The following CCDC7 variants were observed in gnomAD, a reference collection of about 807,000 sequenced individuals.
CCDC7 encodes coiled-coil domain containing 7, also known as coiled-coil domain-containing protein 7.
CCDC7 carries 183 observed loss-of-function variants against 196.9 expected under a neutral mutation model. The ratio of observed to expected loss-of-function variants is 0.93; its 90% CI spans 0.82 to 1.05. CCDC7 has a LOEUF of 1.05. CCDC7 is among the 50% of genes least tolerant of loss of function. The pLI is 0.00. For missense variants in CCDC7, 1,540 were observed against 1,482.2 expected, an observed-to-expected ratio of 1.04 and a Z score of -0.64; for synonymous variants, 525 against 484.6, an observed-to-expected ratio of 1.08 and a Z score of -1.10.
intron 18 of CCDC7, among the ~76,000 whole-genome samples, chr10:32,621,589 T>A (rs2063419632): frequency 6.6e-6 from 1 of 152,130 alleles, no homozygotes; most frequent in Non-Finnish European, 1.5e-5. Flanking sequence ...CATAGTGTAA[T>A]TCAGTCTGAA....
At chr10:32,844,688 G>A (rs2093177154) in intron 33 of CCDC7, among the ~76,000 whole-genome samples, 1 of 151,826 alleles carries the variant, frequency 6.6e-6, no homozygotes, top group Admixed American at 6.6e-5. Flanking sequence ...ATTATAAAGT[G>A]TCAGTTTGTA....
chr10:32,687,000 T>C (rs1370673752), intron 22 of CCDC7, among the ~76,000 whole-genome samples: 1 of 152,232 alleles, frequency 6.6e-6, no homozygotes, highest in African/African-American at 2.4e-5. Flanking sequence ...CCTGATCATC[T>C]GTGTGGACAG....
chr10:32,806,765 A>G (rs922963894), intron 30 of CCDC7, among the ~76,000 whole-genome samples: 1 of 152,202 alleles, frequency 6.6e-6, no homozygotes, highest in African/African-American at 2.4e-5. Context: ...AAATGAGTCT[A>G]CACATCCAAG....
intron 25 of CCDC7, among the ~76,000 whole-genome samples, chr10:32,715,254 A>T (rs913255869): frequency 8.5e-5 from 13 of 152,192 alleles, no homozygotes; most frequent in African/African-American, 2.9e-4. Flanking sequence ...ACCCAGGCAA[A>T]CAGGGTATGG....
chr10:32,860,763 A>G (rs1201640145), intron 41 of CCDC7, among the ~76,000 whole-genome samples: 1 of 152,148 alleles, frequency 6.6e-6, no homozygotes, highest in Non-Finnish European at 1.5e-5. Context: ...ATTCCTATAC[A>G]CCAATAACAA....
intron 2 of CCDC7, 117 bp downstream of exon 3, chr10:32,453,553 A>G (rs532667824): frequency 4.5e-6 from 3 of 659,996 alleles, no homozygotes; most frequent in Non-Finnish European, 4.2e-6. Flanking sequence ...CTCAGAATGA[A>G]TTTCCCATCC....
Position 32,515,788 on chromosome 10 carries a change from C to A in CCDC7, c.873-2157C>A, listed in dbSNP as rs193088805. On this transcript the variant is annotated intron_variant, in intron 9 of 41. Coordinates refer to ENST00000639629, the Ensembl canonical transcript of CCDC7. ...ATCTCCTGACCTCGTGATCCGCCCA[C>A]CTCGCCTCCCAAAGTGCTGGGATTA... 1.8e-4 allele frequency among the ~76,000 whole-genome samples: 28 copies of A among 152,154 alleles called. No individual in the cohort carries two copies. In the East Asian group the frequency reaches 4.1e-3, roughly 22 times the overall value.
intron 33 of CCDC7, among the ~76,000 whole-genome samples, chr10:32,839,373 A>C (rs1333697859): frequency 6.6e-6 from 1 of 151,868 alleles, no homozygotes; most frequent in Non-Finnish European, 1.5e-5. Context: ...TACATTAGAC[A>C]AAACAAACCT....
chr10:32,842,189 A>G (rs1422933360), intron 33 of CCDC7, among the ~76,000 whole-genome samples: 1 of 152,016 alleles, frequency 6.6e-6, no homozygotes, highest in East Asian at 1.9e-4. Flanking sequence ...GAAAATCTTC[A>G]CAATCTATAT....
At chr10:32,637,662 G>A (rs1011972556) in intron 20 of CCDC7, among the ~76,000 whole-genome samples, 15 of 152,152 alleles carry the variant, frequency 9.9e-5, no homozygotes, top group African/African-American at 2.4e-4. Context: ...GTCAGGTAGC[G>A]TGGTACCTCC....
At chr10:32,576,766 G>T (rs574630542) in intron 16 of CCDC7, among the ~76,000 whole-genome samples, 6 of 152,040 alleles carry the variant, frequency 3.9e-5, no homozygotes, top group Non-Finnish European at 7.4e-5. Context: ...GCCCAGGCTG[G>T]TCTAGAACTC....
At chr10:32,481,934 C>G (rs2040034422) in intron 8 of CCDC7, among the ~76,000 whole-genome samples, 1 of 151,982 alleles carries the variant, frequency 6.6e-6, no homozygotes, top group South Asian at 2.1e-4. Flanking sequence ...TCAAGATTCT[C>G]TTTTTGTCTT....
intron 28 of CCDC7, among the ~76,000 whole-genome samples, chr10:32,738,499 G>A (rs1398829911): frequency 1.1e-5 from 1 of 94,688 alleles, no homozygotes; most frequent in African/African-American, 4.3e-5. Flanking sequence ...TTTTTTGACA[G>A]GGCCTTGCTT....
intron 8 of CCDC7, among the ~76,000 whole-genome samples, chr10:32,484,324 T>G (rs1404173760): frequency 5.8e-5 from 5 of 86,282 alleles, no homozygotes; most frequent in Admixed American, 1.7e-4. Context: ...TAGGAATGCT[T>G]GTGATTTTTG....
chr10:32,709,038 C>T (rs2080325234), intron 24 of CCDC7, among the ~76,000 whole-genome samples: 1 of 152,148 alleles, frequency 6.6e-6, no homozygotes, highest in Non-Finnish European at 1.5e-5. Context: ...TTTATTGCAG[C>T]ATTATTCACA....
chr10:32,532,817 G>C (rs2135920580), intron 11 of CCDC7, among the ~76,000 whole-genome samples: 1 of 152,098 alleles, frequency 6.6e-6, no homozygotes, highest in South Asian at 2.1e-4. Flanking sequence ...CAGTTACATG[G>C]AATATATTTT....
intron 28 of CCDC7, among the ~76,000 whole-genome samples, chr10:32,756,466 G>C (rs958940017): frequency 6.6e-6 from 1 of 152,164 alleles, no homozygotes; most frequent in East Asian, 1.9e-4. Context: ...CATTCTTAAA[G>C]AATTTTCAAC....
chr10:32,738,437 C>T (rs908211879), intron 28 of CCDC7, among the ~76,000 whole-genome samples: 3 of 145,754 alleles, frequency 2.1e-5, no homozygotes, highest in African/African-American at 7.6e-5. Flanking sequence ...TCTGTTAGAT[C>T]AATTAAGAGA....
intron 29 of CCDC7, among the ~76,000 whole-genome samples, chr10:32,784,418 C>T (rs975586357): frequency 7.2e-5 from 11 of 152,228 alleles, no homozygotes; most frequent in African/African-American, 2.4e-4. Flanking sequence ...TGTTGTTCCC[C>T]TCCCTGTGTC....
Sources: gnomAD v4.1 joint callset for allele counts (sites outside exome capture counted in the v4.1 genomes callset) on GRCh38, gnomAD v4.1.1 for gene constraint, MANE v1.5 for transcripts, NCBI Gene and HGNC (gene_info 2026-07-23, HGNC 2026-07-21) for gene names.